ZNF66: variants seen among roughly 807,000 people sequenced by gnomAD.
ZNF66 encodes zinc finger protein 66, also known as putative zinc finger protein 66.
In ZNF66, 32 loss-of-function variants were observed where a neutral mutation model predicts 35.2. The observed-to-expected ratio is 0.91, with a 90% confidence interval of 0.69 to 1.22. The LOEUF (loss-of-function observed/expected upper bound fraction) is 1.22. Ranked by LOEUF, ZNF66 falls within the 50% of genes most tolerant of loss-of-function variation. The pLI is 0.00. For missense variants in ZNF66, 666 were observed against 543.1 expected, an observed-to-expected ratio of 1.23 and a Z score of -2.25; for synonymous variants, 231 against 181.3, an observed-to-expected ratio of 1.27 and a Z score of -2.20.
At chr19:20,793,361 C>A in intron 2 of ZNF66, among the ~76,000 whole-genome samples, 1 of 113,748 alleles carries the variant, frequency 8.8e-6, no homozygotes, top group African/African-American at 3.3e-5. Context: ...GACAGAGTCT[C>A]ACTCTGTTCC....
At chr19:20,799,475 C>T (rs1432016276) in intron 3 of ZNF66, 1 of 149,810 alleles carries the variant, frequency 6.7e-6, no homozygotes, top group South Asian at 2.1e-4. Flanking sequence ...ATTTTTACAC[C>T]TAATGAGTGT....
chr19:20,793,948 C>G, intron 3 of ZNF66, 70 bp downstream of exon 3: 1 of 714,658 alleles, frequency 1.4e-6, no homozygotes, highest in African/African-American at 1.8e-5. Context: ...GAAAGCCAGT[C>G]CTTAAGGTGT....
rs1348757405 is a variant in ZNF66 at position 20,797,231 on chromosome 19, G to A, written c.226+3353G>A. 9.0e-5 allele frequency among the ~76,000 whole-genome samples: 6 copies of A among 66,650 alleles called. No individual in the cohort carries two copies. In the Admixed American group the frequency reaches 9.7e-4, roughly 11 times the overall value. 43.7% of individuals were successfully genotyped at this position (66,650 alleles called of 152,430 possible). On this transcript the variant is annotated intron_variant, in intron 3 of 3. Coordinates refer to ENST00000344519, the MANE Select transcript of ZNF66 (RefSeq NM_001355197.2). ...TTTTTTTTTTTTTTTTTTTTGAGACGGAGTCTCGCTGTCGCCCAGGCTGGA... is the reference window on the plus strand; with the variant it reads ...TTTTTTTTTTTTTTTTTTTTGAGACAGAGTCTCGCTGTCGCCCAGGCTGGA...
intron 1 of ZNF66, among the ~76,000 whole-genome samples, chr19:20,791,782 G>A (rs1299769724): frequency 1.3e-5 from 2 of 152,182 alleles, no homozygotes; most frequent in South Asian, 2.1e-4. Flanking sequence ...ATTTGTCCTA[G>A]TGCAGTTAAT....
chr19:20,801,095 T>C (rs1485500710), intron 3 of ZNF66, among the ~76,000 whole-genome samples: 1 of 152,118 alleles, frequency 6.6e-6, no homozygotes, highest in Non-Finnish European at 1.5e-5. Flanking sequence ...ATATCAGTCA[T>C]TGTCCCATGG....
At chr19:20,796,929 C>T (rs1971397498) in intron 3 of ZNF66, among the ~76,000 whole-genome samples, 1 of 152,056 alleles carries the variant, frequency 6.6e-6, no homozygotes, top group Admixed American at 6.6e-5. Context: ...TGGCTCACTG[C>T]AACTTCCACC....
chr19:20,777,477 A>T (rs1237922318), intron 1 of ZNF66, among the ~76,000 whole-genome samples: 2 of 133,316 alleles, frequency 1.5e-5, no homozygotes, highest in East Asian at 4.3e-4. Flanking sequence ...TTTTTTTAGA[A>T]ATAGAAATCC....
rs771656841 is a variant in ZNF66 at position 20,792,514 on chromosome 19, G to T, written c.6G>T (p.Gly2=). M[G]PLQFRDVAIE... is the part of the protein sequence containing the mutation. ...ATGTGTGTGTGTATATTTTTCAGGGGCCATTGCAATTTAGAGATGTGGCCA... is the reference window on the plus strand; with the variant it reads ...ATGTGTGTGTGTATATTTTTCAGGGTCCATTGCAATTTAGAGATGTGGCCA... Residue 2 remains glycine (G), a splice_region_variant and synonymous_variant, in exon 2 of 4, where the codon GGG becomes GGT. Transcript: ENST00000344519. The T allele has an allele frequency of 6.6e-7, 1 of 1,525,432 alleles. No individual in the cohort carries two copies. The highest frequency in any genetic ancestry group is 1.2e-5 in the South Asian group (1 of 86,358). 94.5% of individuals were successfully genotyped at this position (1,525,432 alleles called of 1,614,324 possible).
chr19:20,781,773 G>A (rs769507299), intron 1 of ZNF66, among the ~76,000 whole-genome samples: 5 of 152,056 alleles, frequency 3.3e-5, no homozygotes, highest in East Asian at 1.9e-4. Context: ...CTCCCAAAGC[G>A]CTGGGATTAC....
chr19:20,805,196 T>A (rs947778342), intron 3 of ZNF66, among the ~76,000 whole-genome samples: 1 of 151,800 alleles, frequency 6.6e-6, no homozygotes, highest in Non-Finnish European at 1.5e-5. Flanking sequence ...ATGATCTTGG[T>A]CACTACAATA....
chr19:20,807,458 A>G lies in ZNF66; in HGVS notation c.*136A>G, dbSNP rs1296836080. On this transcript the variant is annotated 3_prime_UTR_variant, in exon 4 of 4. Coordinates refer to ENST00000344519, the MANE Select transcript of ZNF66 (RefSeq NM_001355197.2). ...AGAATTTATGGAACACAAACACTAC[A>G]AATATAAAGAATGTGACAAAGCTTT... 1.9e-6 allele frequency: 1 copy of G among 534,712 alleles called. No homozygotes were observed. Among genetic ancestry groups the G allele is most frequent in the Non-Finnish European group, 3.3e-6 (1 of 302,618 alleles). The allele number at this position is 534,712 out of a possible 1,614,324, so 33.1% of individuals were successfully genotyped here. A position where few individuals can be genotyped will look rare whatever the true frequency, so the allele number is the denominator to read the frequency against.
At chr19:20,778,026 C>T (rs1971211840) in intron 1 of ZNF66, among the ~76,000 whole-genome samples, 1 of 152,040 alleles carries the variant, frequency 6.6e-6, no homozygotes, top group Non-Finnish European at 1.5e-5. Context: ...GAGTTAAATG[C>T]TAAATTTTAA....
At chr19:20,777,686 T>TCAGATC (rs1305806779) in intron 1 of ZNF66, among the ~76,000 whole-genome samples, 3 of 151,838 alleles carry the variant, frequency 2.0e-5, no homozygotes, top group African/African-American at 7.3e-5. Flanking sequence ...GAGTGCAGTG[T>TCAGATC]CAGATCTTGG....
chr19:20,796,297 A>G (rs1971392228), intron 3 of ZNF66, among the ~76,000 whole-genome samples: 2 of 152,004 alleles, frequency 1.3e-5, no homozygotes, highest in African/African-American at 4.8e-5. Flanking sequence ...CACTCTCCCT[A>G]TACATTTTTA....
chr19:20,803,472 A>C (rs1322906432), intron 3 of ZNF66, among the ~76,000 whole-genome samples: 1 of 152,044 alleles, frequency 6.6e-6, no homozygotes, highest in Non-Finnish European at 1.5e-5. Context: ...AGTTTCATAC[A>C]AAAATTTTTC....
intron 3 of ZNF66, among the ~76,000 whole-genome samples, chr19:20,800,548 A>G (rs1971438444): frequency 6.6e-6 from 1 of 152,152 alleles, no homozygotes; most frequent in Non-Finnish European, 1.5e-5. Flanking sequence ...TTTCTCATGA[A>G]TGGCTTGGTA....
intron 3 of ZNF66, among the ~76,000 whole-genome samples, chr19:20,795,550 A>G (rs1971383959): frequency 6.6e-6 from 1 of 151,774 alleles, no homozygotes; most frequent in African/African-American, 2.4e-5. Context: ...TATTTTTAGT[A>G]GAGAAGGTGT....
chr19:20,784,602 A>G (rs1320976437), intron 1 of ZNF66: 2 of 152,182 alleles, frequency 1.3e-5, no homozygotes, highest in African/African-American at 4.8e-5. Context: ...TTCATCAAAA[A>G]GTGTTGTTTG....
chr19:20,792,179 G>A (rs903664042), intron 1 of ZNF66, among the ~76,000 whole-genome samples: 1 of 149,312 alleles, frequency 6.7e-6, no homozygotes, highest in African/African-American at 2.5e-5. Context: ...ATTAAAACAT[G>A]CCTTTTTCAT....
Sources: gnomAD v4.1 joint callset for allele counts (sites outside exome capture counted in the v4.1 genomes callset) on GRCh38, gnomAD v4.1.1 for gene constraint, MANE v1.5 for transcripts, NCBI Gene and HGNC (gene_info 2026-07-23, HGNC 2026-07-21) for gene names.